DNAH7: variants seen among roughly 807,000 people sequenced by gnomAD.
The protein encoded by DNAH7 is dynein axonemal heavy chain 7, also known as axonemal beta dynein heavy chain 7.
DNAH7 carries 397 observed loss-of-function variants against 444.6 expected under a neutral mutation model. The observed-to-expected ratio is 0.89, with a 90% confidence interval of 0.82 to 0.97. The LOEUF (loss-of-function observed/expected upper bound fraction) is 0.97, where lower values mean the gene tolerates loss of function less well. Ranked by LOEUF, DNAH7 falls within the 50% of genes least tolerant of loss-of-function variation. The pLI, the probability that DNAH7 is intolerant of heterozygous loss-of-function variation, is 0.00. For synonymous variants in DNAH7, 1,636 were observed against 1,624.4 expected, an observed-to-expected ratio of 1.01 and a Z score of -0.17; for missense variants, 4,902 against 4,800.8, an observed-to-expected ratio of 1.02 and a Z score of -0.62.
intron 39 of DNAH7, 118 bp from the exon 40 acceptor site, chr2:195,872,587 T>G: frequency 1.8e-6 from 1 of 541,170 alleles, no homozygotes; most frequent in Non-Finnish European, 3.1e-6. Context: ...TCAATTTCAT[T>G]TATAAAATTA....
rs11894127 is a variant in DNAH7 at position 195,744,874 on chromosome 2, T to C, written c.11765-4005A>G. Among the ~76,000 whole-genome samples the C allele has an allele frequency of 2.3e-3, 352 of 151,918 alleles. 1 individual carries two copies. Among genetic ancestry groups the C allele is most frequent in the African/African-American group, 7.9e-3 (328 of 41,408 alleles). On this transcript the variant is annotated intron_variant, in intron 63 of 64. Coordinates refer to ENST00000312428, the MANE Select transcript of DNAH7 (RefSeq NM_018897.3). Reference sequence around the variant, plus strand: ...ATCTGTACATCACCATCATCAAAGATCAAAAGTAGATAAAACCACAAAGAT... The same window carrying C: ...ATCTGTACATCACCATCATCAAAGACCAAAAGTAGATAAAACCACAAAGAT...
intron 49 of DNAH7, among the ~76,000 whole-genome samples, chr2:195,823,908 T>C (rs192976099): frequency 1.3e-5 from 2 of 152,090 alleles, no homozygotes; most frequent in East Asian, 3.9e-4. Flanking sequence ...AAGAATGGAG[T>C]TCTGTTTCTG....
chr2:196,063,718 A>G (rs1345212737), intron 1 of DNAH7: 1 of 152,232 alleles, frequency 6.6e-6, no homozygotes, highest in African/African-American at 2.4e-5. Context: ...GGTCCTTTCC[A>G]CAGACATTGT....
intron 49 of DNAH7, among the ~76,000 whole-genome samples, chr2:195,820,082 G>A (rs924016433): frequency 2.0e-5 from 3 of 152,280 alleles, no homozygotes; most frequent in Admixed American, 1.3e-4. Flanking sequence ...TATGACCCAA[G>A]GAGCACTCTT....
intron 48 of DNAH7, among the ~76,000 whole-genome samples, chr2:195,827,521 A>G (rs1254836840): frequency 6.6e-6 from 1 of 152,120 alleles, no homozygotes; most frequent in Non-Finnish European, 1.5e-5. Flanking sequence ...AGCTCAAGCA[A>G]TCCACCCACC....
chr2:195,854,315 G>T (rs1391407031), intron 45 of DNAH7, among the ~76,000 whole-genome samples: 2 of 152,102 alleles, frequency 1.3e-5, no homozygotes, highest in African/African-American at 4.8e-5. Context: ...TACATGAAAA[G>T]ATAAATTCAA....
intron 7 of DNAH7, among the ~76,000 whole-genome samples, chr2:196,026,518 A>C (rs56922691): frequency 1.3e-5 from 2 of 152,148 alleles, no homozygotes; most frequent in African/African-American, 4.8e-5. Flanking sequence ...TTAATGCTTT[A>C]TAATTTTCTT....
chr2:195,918,742 G>A (rs559158725), intron 24 of DNAH7, among the ~76,000 whole-genome samples: 233 of 152,238 alleles, frequency 1.5e-3, no homozygotes, highest in Middle Eastern at 3.4e-3. Flanking sequence ...GGGGTTCTGC[G>A]GGAGAGGAGG....
chr2:195,994,975 G>T, intron 12 of DNAH7: 1 of 261,770 alleles, frequency 3.8e-6, no homozygotes, highest in South Asian at 4.5e-5. Context: ...CTGTTGCCAG[G>T]CTGGAGTGCA....
intron 40 of DNAH7, among the ~76,000 whole-genome samples, chr2:195,867,457 G>T (rs1409253158): frequency 6.6e-6 from 1 of 152,026 alleles, no homozygotes; most frequent in East Asian, 1.9e-4. Flanking sequence ...ATAATTCATG[G>T]ACCATAAAAT....
intron 60 of DNAH7, among the ~76,000 whole-genome samples, chr2:195,773,844 C>T (rs935993291): frequency 2.6e-5 from 4 of 152,204 alleles, no homozygotes; most frequent in Non-Finnish European, 4.4e-5. Flanking sequence ...AGCAAAGGAG[C>T]TCTGCACAAG....
At chr2:195,778,681 C>CATATATATACACAT (rs1160794474) in intron 58 of DNAH7, among the ~76,000 whole-genome samples, 5 of 96,140 alleles carry the variant, frequency 5.2e-5, no homozygotes, top group African/African-American at 4.3e-5. Context: ...CACACACACA[C>CATATATATACACAT]ATATATATAC....
At chr2:195,777,494 A>G (rs577814854) in intron 59 of DNAH7, among the ~76,000 whole-genome samples, 1 of 152,188 alleles carries the variant, frequency 6.6e-6, no homozygotes, top group Non-Finnish European at 1.5e-5. Flanking sequence ...ACCATCTCTT[A>G]TGTATTTTCA....
At position 195,988,001 on chromosome 2, in the gene DNAH7, T is replaced by G. The variant is rs754163046; in HGVS notation, c.1582A>C (p.Lys528Gln). The G allele has an allele frequency of 6.2e-6, 10 of 1,612,760 alleles. No homozygotes were observed. In the East Asian group the frequency reaches 1.8e-4, roughly 29 times the overall value. ...ATTTCCTCTATTAGTTTCTGGTATT[T>G]GCAAATTTCATCTATTATTTTTTCA... is the stretch of plus-strand genomic sequence containing the variant. ...SYEKIIDEIC[K>Q]YQKLIEEIQY... Residue 528 changes from lysine (K) to glutamine (Q), a missense_variant, in exon 13 of 65, where the codon AAA (lysine) becomes CAA (glutamine). Coordinates refer to ENST00000312428, the MANE Select transcript of DNAH7 (RefSeq NM_018897.3).
At chr2:195,946,717 C>T (rs79863429) in intron 19 of DNAH7, among the ~76,000 whole-genome samples, 1,702 of 152,180 alleles carry the variant, frequency 0.011, 34 homozygotes, top group East Asian at 0.071. Context: ...TTCTCTCTCC[C>T]CATCCCTCCC....
chr2:195,781,196 A>C (rs9973817), intron 58 of DNAH7, among the ~76,000 whole-genome samples: 103,114 of 152,010 alleles, frequency 0.68, 35,462 homozygotes, highest in Non-Finnish European at 0.73. Context: ...GACAGGCCCT[A>C]ACCCCATAAA....
At chr2:195,744,997 T>C (rs1315119225) in intron 63 of DNAH7, among the ~76,000 whole-genome samples, 1 of 152,230 alleles carries the variant, frequency 6.6e-6, no homozygotes, top group Non-Finnish European at 1.5e-5. Flanking sequence ...GGAACAGAGC[T>C]GGACGGAGAA....
chr2:195,810,789 A>G (rs932018232), intron 51 of DNAH7, among the ~76,000 whole-genome samples: 6 of 152,228 alleles, frequency 3.9e-5, no homozygotes, highest in African/African-American at 1.4e-4. Flanking sequence ...AATAGTTGCT[A>G]AAATACAGTT....
intron 12 of DNAH7, chr2:195,994,694 A>G (rs1201410999): frequency 9.8e-6 from 5 of 509,494 alleles, no homozygotes; most frequent in East Asian, 5.1e-5. Context: ...GGGCTTTCAC[A>G]ACTTATAACC....
Sources: gnomAD v4.1 joint callset for allele counts (sites outside exome capture counted in the v4.1 genomes callset) on GRCh38, gnomAD v4.1.1 for gene constraint, MANE v1.5 for transcripts, NCBI Gene and HGNC (gene_info 2026-07-23, HGNC 2026-07-21) for gene names.